The following TRMT13 variants were observed in gnomAD, a reference collection of about 807,000 sequenced individuals.
The protein encoded by TRMT13 is tRNA methyltransferase 13.
Under a neutral mutation model 55.9 loss-of-function variants are expected in TRMT13, and 45 were observed. That is an observed-to-expected ratio of 0.80 (90% CI 0.63 to 1.03). TRMT13 has a LOEUF of 1.03. TRMT13 is among the 50% of genes least tolerant of loss of function. The probability of loss-of-function intolerance (pLI) is 0.00; values close to 1 mark genes in which losing one functional copy is unlikely to be tolerated. For missense variants in TRMT13, 513 were observed against 563.9 expected (o/e 0.91, Z 0.91); for synonymous variants, 183 against 196.3 (o/e 0.93, Z 0.57).
chr1:100,134,768 A>G (rs1380176735), intron 1 of TRMT13, among the ~76,000 whole-genome samples: 4 of 152,246 alleles, frequency 2.6e-5, no homozygotes, highest in African/African-American at 9.6e-5. Context: ...TAGAATATGA[A>G]TAAATCCTTA....
chr1:100,137,008 T>C lies in TRMT13; in HGVS notation c.195-11T>C, dbSNP rs751620693. On this transcript the variant is annotated splice_polypyrimidine_tract_variant and intron_variant, in intron 2 of 10. Coordinates refer to ENST00000370141, the MANE Select transcript of TRMT13 (RefSeq NM_019083.3). ...AAGTCTCATTTGAAATAATTTTCTC[T>C]TTAAATTTAGCACAGTATATGAAGA... 1 of 1,604,940 alleles carries C rather than the reference T, an allele frequency of 6.2e-7. No homozygotes were observed. The highest frequency in any genetic ancestry group is 2.2e-5 in the East Asian group (1 of 44,810).
Position 100,140,990 on chromosome 1 carries a change from C to T in TRMT13, c.640C>T (p.Leu214=), listed in dbSNP as rs760427282. The T allele has an allele frequency of 6.2e-7, 1 of 1,612,936 alleles. No individual in the cohort carries two copies. The highest frequency in any genetic ancestry group is 8.5e-7 in the Non-Finnish European group (1 of 1,179,400). ...LKDAEKVHFI[L]VEKVTTRFKV... ...AGATGCTGAAAAAGTTCACTTCATCCTAGTGGAAAAGGTGACCACAAGATT... is the reference window on the plus strand; with the variant it reads ...AGATGCTGAAAAAGTTCACTTCATCTTAGTGGAAAAGGTGACCACAAGATT... The change falls in exon 7 of 11, where the codon CTA becomes TTA. Residue 214 remains leucine (L), a synonymous_variant. Transcript: ENST00000370141.
chr1:100,133,225 C>T lies in TRMT13; in HGVS notation c.57C>T (p.Cys19=). 5.6e-6 allele frequency: 9 copies of T among 1,614,076 alleles called. No individual in the cohort carries two copies. The highest frequency in any genetic ancestry group is 7.6e-6 in the Non-Finnish European group (9 of 1,180,034). Residue 19 remains cysteine, a synonymous_variant, in exon 1 of 11, where the codon TGC becomes TGT. Transcript: ENST00000370141. ...HAPGFPAEGR[C]GYYVEKKKRF... ...CTGGTTTTCCAGCTGAGGGTAGATG[C>T]GGTTACTATGTGGAAAAGAAGAAAC...
At chr1:100,147,853 AGAT>A in intron 9 of TRMT13, 38 bp from the exon 10 acceptor site, 2 of 1,517,110 alleles carry the variant, frequency 1.3e-6, no homozygotes, top group South Asian at 2.7e-5. Flanking sequence ...TTATTTTTAA[AGAT>A]GATGTGGTTT....
At position 100,149,073 on chromosome 1, in the gene TRMT13, G is replaced by T. The variant is rs139750209; in HGVS notation, c.*253G>T. 99 of 1,602,914 alleles carry T rather than the reference G, an allele frequency of 6.2e-5. 1 individual carries two copies. In the African/African-American group the frequency reaches 1.3e-3, roughly 21 times the overall value. ...ATCCGTATTTATGGAGATTGGTAAA[G>T]TAGTTGAACCGTTGACTTGGTGATC... On this transcript the variant is annotated 3_prime_UTR_variant, in exon 11 of 11. Transcript: ENST00000370141.
chr1:100,143,000 A>G, intron 7 of TRMT13, 137 bp from the exon 8 acceptor site: 1 of 591,940 alleles, frequency 1.7e-6, no homozygotes. Context: ...TGAAGTTCTC[A>G]TCAAAGAATG....
In TRMT13 at chr1:100,137,073, G is replaced by C. The variant is rs371161787; in HGVS notation, c.249G>C (p.Glu83Asp). ...AKHLKKCNSR[E>D]KPKPDFYIQD... Reference sequence around the variant, plus strand: ...ATTTGAAAAAATGTAACTCAAGAGAGAAACCAAAACCTGTAAGTGTTTGAT... The same window carrying C: ...ATTTGAAAAAATGTAACTCAAGAGACAAACCAAAACCTGTAAGTGTTTGAT... Residue 83 changes from glutamate (E) to aspartate (D), a missense_variant, in exon 3 of 11, where the codon GAG becomes GAC. Physicochemically the swap from Glu to Asp is conservative, Grantham distance 45. Transcript: ENST00000370141. 2 of 1,612,252 alleles carry C rather than the reference G, an allele frequency of 1.2e-6. No individual in the cohort carries two copies. Among genetic ancestry groups the C allele is most frequent in the African/African-American group, 2.7e-5 (2 of 74,826 alleles).
At chr1:100,141,492 G>A (rs1656625819) in intron 7 of TRMT13, among the ~76,000 whole-genome samples, 1 of 152,054 alleles carries the variant, frequency 6.6e-6, no homozygotes, top group African/African-American at 2.4e-5. Context: ...ACCATGCCCA[G>A]GTAATTTTTT....
chr1:100,135,159 C>G (rs948231677), intron 1 of TRMT13, among the ~76,000 whole-genome samples: 1 of 152,108 alleles, frequency 6.6e-6, no homozygotes, highest in African/African-American at 2.4e-5. Context: ...TGCACTCACC[C>G]CCTCAAAAGA....
chr1:100,134,234 T>C (rs1415671732), intron 1 of TRMT13, among the ~76,000 whole-genome samples: 1 of 152,008 alleles, frequency 6.6e-6, no homozygotes, highest in Non-Finnish European at 1.5e-5. Context: ...TATCAAACAC[T>C]TTATATTTGT....
In TRMT13 at chr1:100,149,069, T is replaced by A; in HGVS notation, c.*249T>A. The A allele has an allele frequency of 6.2e-7, 1 of 1,602,694 alleles. No homozygotes were observed. The highest frequency in any genetic ancestry group is 8.5e-7 in the Non-Finnish European group (1 of 1,176,146). On this transcript the variant is annotated 3_prime_UTR_variant, in exon 11 of 11. Coordinates refer to ENST00000370141, the MANE Select transcript of TRMT13 (RefSeq NM_019083.3). ...ATCCATCCGTATTTATGGAGATTGG[T>A]AAAGTAGTTGAACCGTTGACTTGGT...
At chr1:100,146,250 G>C (rs140114012) in intron 9 of TRMT13, among the ~76,000 whole-genome samples, 28 of 152,186 alleles carry the variant, frequency 1.8e-4, no homozygotes, top group African/African-American at 6.5e-4. Flanking sequence ...TTACCTTGTG[G>C]TATTTTAATT....
In TRMT13 at chr1:100,148,863, A is replaced by T. The variant is rs72728143; in HGVS notation, c.*43A>T. 0.11 allele frequency: 142,100 copies of T among 1,246,236 alleles called. 8,618 individuals carry two copies. The highest frequency in any genetic ancestry group is 0.19 in the Middle Eastern group (718 of 3,862). The allele number at this position is 1,246,236 out of a possible 1,614,324, so 77.2% of individuals were successfully genotyped here. The stretch of plus-strand genomic sequence containing the variant: ...CATCATCTGTCTTCCACCAAAAAAA[A>T]TTTTTTAATTATATTTTTATATCAA... On this transcript the variant is annotated 3_prime_UTR_variant, in exon 11 of 11. Transcript: ENST00000370141.
At chr1:100,143,293 G>C in intron 8 of TRMT13, 84 bp downstream of exon 8, 3 of 773,114 alleles carry the variant, frequency 3.9e-6, no homozygotes, top group Non-Finnish European at 6.3e-6. Flanking sequence ...CAATCATGCA[G>C]AACTGTGCTT....
At chr1:100,147,845 A>G in intron 9 of TRMT13, 49 bp from the exon 10 acceptor site, 2 of 1,497,752 alleles carry the variant, frequency 1.3e-6, no homozygotes, top group Non-Finnish European at 1.8e-6. Context: ...AAAAGTATTT[A>G]TTTTTAAAGA....
chr1:100,148,727 T>C lies in TRMT13; in HGVS notation c.1353T>C (p.Ala451=), dbSNP rs984936441. 8 of 1,612,028 alleles carry C rather than the reference T, an allele frequency of 5.0e-6. No individual in the cohort carries two copies. The highest frequency in any genetic ancestry group is 2.7e-5 in the African/African-American group (2 of 74,906). ...TGCAGCAGAAGGGATTCAGTCCTGCTTTGCAGTACTATACAGACCCTCTGG... is the reference window on the plus strand; with the variant it reads ...TGCAGCAGAAGGGATTCAGTCCTGCCTTGCAGTACTATACAGACCCTCTGG... ...QYLQQKGFSP[A]LQYYTDPLVS... Residue 451 remains alanine (A), a synonymous_variant, in exon 11 of 11, where the codon GCT becomes GCC. Transcript: ENST00000370141.
intron 4 of TRMT13, 70 bp from the exon 5 acceptor site, chr1:100,140,112 T>G (rs1175039438): frequency 4.0e-6 from 4 of 995,638 alleles, no homozygotes; most frequent in Non-Finnish European, 6.1e-6. Flanking sequence ...GGTAAACCTC[T>G]ACTCAGTCTC....
chr1:100,139,806 GT>G, intron 4 of TRMT13, 95 bp downstream of exon 4: 1 of 814,798 alleles, frequency 1.2e-6, no homozygotes, highest in Non-Finnish European at 1.9e-6. Context: ...TCTCAAGTCT[GT>G]TTTTAATTTA....
At chr1:100,143,085 A>T (rs1570742572) in intron 7 of TRMT13, 52 bp from the exon 8 acceptor site, 2 of 1,231,368 alleles carry the variant, frequency 1.6e-6, no homozygotes, top group East Asian at 4.8e-5. Flanking sequence ...ATTTTCATAA[A>T]GCTTTTTTAA....
Sources: gnomAD v4.1 joint callset for allele counts (sites outside exome capture counted in the v4.1 genomes callset) on GRCh38, gnomAD v4.1.1 for gene constraint, MANE v1.5 for transcripts, NCBI Gene and HGNC (gene_info 2026-07-23, HGNC 2026-07-21) for gene names.